SGMS1: variants seen among roughly 807,000 people sequenced by gnomAD.
The protein encoded by SGMS1 is sphingomyelin synthase 1, also known as phosphatidylcholine:ceramide cholinephosphotransferase 1.
A neutral mutation model predicts 46.2 loss-of-function variants in SGMS1; 13 were observed. The ratio of observed to expected loss-of-function variants is 0.28; its 90% confidence interval spans 0.18 to 0.45. The LOEUF (loss-of-function observed/expected upper bound fraction) is 0.45. SGMS1 is among the 20% of genes least tolerant of loss of function. The pLI is 1.00. For synonymous variants in SGMS1, 203 were observed against 187.8 expected (o/e 1.08, Z -0.66); for missense variants, 324 against 519.9 (o/e 0.62, Z 3.66).
chr10:50,395,349 A>G (rs984264060), intron 6 of SGMS1, among the ~76,000 whole-genome samples: 2 of 152,192 alleles, frequency 1.3e-5, no homozygotes, highest in African/African-American at 4.8e-5. Context: ...CTCTTAAACA[A>G]TTCTACTTGA....
chr10:50,570,237 G>A (rs1017137560), intron 2 of SGMS1, among the ~76,000 whole-genome samples: 3 of 152,076 alleles, frequency 2.0e-5, no homozygotes, highest in African/African-American at 2.4e-5. Flanking sequence ...GCATCTCAAC[G>A]TCTTGGTCTC....
intron 3 of SGMS1, among the ~76,000 whole-genome samples, chr10:50,495,327 G>A (rs1486054781): frequency 6.7e-6 from 1 of 149,732 alleles, no homozygotes; most frequent in East Asian, 2.0e-4. Context: ...TGATTAAACT[G>A]TACTTCTCTG....
intron 1 of SGMS1, among the ~76,000 whole-genome samples, chr10:50,618,577 G>A (rs962714542): frequency 1.3e-5 from 2 of 152,146 alleles, no homozygotes; most frequent in Non-Finnish European, 2.9e-5. Context: ...AAAACCCAAT[G>A]AGATCCCACT....
At chr10:50,317,340 C>A (rs555640834) in intron 8 of SGMS1, among the ~76,000 whole-genome samples, 3 of 152,182 alleles carry the variant, frequency 2.0e-5, no homozygotes, top group African/African-American at 7.2e-5. Context: ...TTTGTTTGTA[C>A]ACAGATTCCA....
chr10:50,603,590 GT>G, intron 1 of SGMS1, among the ~76,000 whole-genome samples: 1 of 152,188 alleles, frequency 6.6e-6, no homozygotes, highest in South Asian at 2.1e-4. Flanking sequence ...ATCAAAAACC[GT>G]ACCTCCAAAT....
intron 7 of SGMS1, among the ~76,000 whole-genome samples, chr10:50,331,146 A>G (rs956768505): frequency 4.6e-5 from 7 of 152,202 alleles, no homozygotes; most frequent in African/African-American, 1.7e-4. Flanking sequence ...CCACACTACT[A>G]AAAAACAAAG....
intron 5 of SGMS1, among the ~76,000 whole-genome samples, chr10:50,459,679 C>T (rs1055361012): frequency 8.5e-5 from 13 of 152,224 alleles, no homozygotes; most frequent in African/African-American, 2.7e-4. Context: ...GCTGGGATTA[C>T]AGGCGTGAGC....
chr10:50,624,353 T>C (rs1838893375), upstream of SGMS1, among the ~76,000 whole-genome samples: 1 of 152,158 alleles, frequency 6.6e-6, no homozygotes, highest in South Asian at 2.1e-4. Context: ...GAACTACTAC[T>C]GGATTCTTTT....
chr10:50,475,969 G>T (rs1468836731), intron 3 of SGMS1, among the ~76,000 whole-genome samples: 3 of 151,568 alleles, frequency 2.0e-5, no homozygotes, highest in Non-Finnish European at 4.4e-5. Flanking sequence ...AGAAAGTAGG[G>T]GATGGGTGCA....
rs180963751 is a variant in SGMS1 at position 50,355,410 on chromosome 10, G to A, written c.-231-11065C>T. ...CTGCCTCAGCCTGCCCGGTGCCTGG[G>A]ATTGCAGGCGCGCGCCACCACGCCT... On this transcript the variant is annotated intron_variant, in intron 6 of 10. Transcript: ENST00000361781. 2.6e-3 allele frequency among the ~76,000 whole-genome samples: 392 copies of A among 152,326 alleles called. 3 individuals are homozygous for A. The highest frequency in any genetic ancestry group is 3.2e-3 in the Non-Finnish European group (215 of 68,032).
intron 5 of SGMS1, among the ~76,000 whole-genome samples, chr10:50,452,550 T>A (rs957279854): frequency 5.9e-5 from 9 of 151,932 alleles, no homozygotes; most frequent in African/African-American, 2.2e-4. Flanking sequence ...GCCAATGAGG[T>A]GACAATAAAG....
At chr10:50,348,662 A>C (rs1439825650) in intron 6 of SGMS1, among the ~76,000 whole-genome samples, 1 of 152,218 alleles carries the variant, frequency 6.6e-6, no homozygotes, top group Non-Finnish European at 1.5e-5. Flanking sequence ...CAAGGAAATA[A>C]GAGATGACAC....
intron 5 of SGMS1, among the ~76,000 whole-genome samples, chr10:50,450,888 C>T (rs569788480): frequency 6.6e-6 from 1 of 151,758 alleles, no homozygotes; most frequent in African/African-American, 2.4e-5. Context: ...GAAATATACT[C>T]ATTACATTAA....
intron 3 of SGMS1, among the ~76,000 whole-genome samples, chr10:50,487,589 T>C (rs568219562): frequency 5.3e-5 from 8 of 152,256 alleles, no homozygotes; most frequent in Non-Finnish European, 7.3e-5. Context: ...GCCTTATATC[T>C]TTTGTATGTT....
At chr10:50,550,623 ACCCTGGCATG>A (rs1170586697) in intron 2 of SGMS1, among the ~76,000 whole-genome samples, 1 of 152,084 alleles carries the variant, frequency 6.6e-6, no homozygotes, top group African/African-American at 2.4e-5. Context: ...CCAATCTGCT[ACCCTGGCATG>A]CCCTGAGATT....
chr10:50,406,875 T>G (rs981868979), intron 6 of SGMS1, among the ~76,000 whole-genome samples: 2 of 151,934 alleles, frequency 1.3e-5, no homozygotes, highest in Non-Finnish European at 2.9e-5. Context: ...TAGGTAATTT[T>G]TTTGTTTGTT....
chr10:50,424,049 T>A (rs1202332999), intron 6 of SGMS1, among the ~76,000 whole-genome samples: 1 of 152,210 alleles, frequency 6.6e-6, no homozygotes, highest in Non-Finnish European at 1.5e-5. Flanking sequence ...GCTATATATG[T>A]CCAAGGTAAA....
rs764470343 is a variant in SGMS1, at chr10:50,459,971, G to GA, written c.-313+701dup. ...TTGTAGTGTTCTTCATTGGTAGATGGAAAAAAAAAAAGACTACAAAAATCC... is the reference window on the plus strand; with the variant it reads ...TTGTAGTGTTCTTCATTGGTAGATGGAAAAAAAAAAAAGACTACAAAAATCC... On this transcript the variant is annotated intron_variant, in intron 5 of 10. Transcript: ENST00000361781. 2.2e-3 allele frequency: 309 copies of GA among 142,976 alleles called. 1 individual carries two copies. The highest frequency in any genetic ancestry group is 6.6e-3 in the African/African-American group (258 of 39,186). The allele number at this position is 142,976 out of a possible 1,614,324, so 8.9% of individuals were successfully genotyped here. A position where few individuals can be genotyped will look rare whatever the true frequency, so the allele number is the denominator to read the frequency against.
chr10:50,550,681 A>T (rs1838141320), intron 2 of SGMS1, among the ~76,000 whole-genome samples: 1 of 152,096 alleles, frequency 6.6e-6, no homozygotes, highest in Non-Finnish European at 1.5e-5. Context: ...CTCCTCGTCA[A>T]CCTCCTTTGA....
Sources: allele counts gnomAD v4.1 joint callset (sites outside exome capture counted in the v4.1 genomes callset), GRCh38; gene constraint gnomAD v4.1.1; transcripts MANE v1.5; gene names NCBI Gene and HGNC (gene_info 2026-07-23, HGNC 2026-07-21).